Variants in TMEM117 observed in about 807,000 individuals in gnomAD.
TMEM117 encodes transmembrane protein 117.
In TMEM117, 27 loss-of-function variants were observed where a neutral mutation model predicts 52.4. The observed-to-expected ratio is 0.51, with a 90% CI of 0.38 to 0.71. The LOEUF is 0.71. Among genes scored for constraint, TMEM117 ranks in the 30% least tolerant of loss-of-function variants. The pLI is 0.00. For synonymous variants in TMEM117, 215 were observed against 206.3 expected (o/e 1.04, Z -0.36); for missense variants, 556 against 630.5 (o/e 0.88, Z 1.26).
At chr12:44,283,616 A>G (rs1618337) in intron 5 of TMEM117, among the ~76,000 whole-genome samples, 4,413 of 152,136 alleles carry the variant, frequency 0.029, 208 homozygotes, top group African/African-American at 0.096. Flanking sequence ...GGAAGTAACT[A>G]GCTTGCTTTT....
chr12:43,820,080 A>G, the TMEM117 span, among the ~76,000 whole-genome samples: 5 of 152,068 alleles, frequency 3.3e-5, no homozygotes, highest in Non-Finnish European at 5.9e-5. Context: ...AGCTCTTAAC[A>G]GGGTGTAATT....
At chr12:43,830,115 A>G in the TMEM117 span, among the ~76,000 whole-genome samples, 1 of 148,194 alleles carries the variant, frequency 6.7e-6, no homozygotes, top group Admixed American at 6.7e-5. Flanking sequence ...AAGGAACTGT[A>G]GGGGGACAGG....
Position 44,082,378 on chromosome 12 carries a change from G to A in TMEM117, c.411-61147G>A, listed in dbSNP as rs140700441. On this transcript the variant is annotated intron_variant, in intron 3 of 7. Coordinates refer to ENST00000266534, the MANE Select transcript of TMEM117 (RefSeq NM_032256.3). ...GTGTTTGAAGGATGTATTATCTATG[G>A]GTTCTATAGCTACTGTTTTCTATAG... 1.9e-3 allele frequency among the ~76,000 whole-genome samples: 292 copies of A among 151,844 alleles called. 6 individuals carry two copies. The East Asian group carries it at 0.035, about 18-fold the overall frequency.
At chr12:44,301,399 TATC>T (rs538454777) in intron 6 of TMEM117, among the ~76,000 whole-genome samples, 70 of 151,982 alleles carry the variant, frequency 4.6e-4, no homozygotes, top group Non-Finnish European at 7.5e-4. Flanking sequence ...GATGAAAAAA[TATC>T]ATAACAATGT....
the TMEM117 span, among the ~76,000 whole-genome samples, chr12:43,830,087 CA>C: frequency 0.23 from 16,939 of 72,584 alleles, 806 homozygotes; most frequent in Middle Eastern, 0.27. Flanking sequence ...GACTCTGTCT[CA>C]AAAAAAAAAA....
the TMEM117 span, among the ~76,000 whole-genome samples, chr12:43,815,145 C>T: frequency 1.1e-4 from 16 of 152,234 alleles, no homozygotes; most frequent in South Asian, 3.1e-3. Flanking sequence ...AAACTGGGGA[C>T]AATAATAACA....
the TMEM117 span, among the ~76,000 whole-genome samples, chr12:43,808,813 A>C: frequency 3.4e-5 from 1 of 28,988 alleles, no homozygotes; most frequent in East Asian, 4.7e-3. Flanking sequence ...CAAAGGGGAG[A>C]AAAAAAAAAA....
At position 44,388,150 on chromosome 12, in the gene TMEM117, T is replaced by C. The variant is rs1185087140; in HGVS notation, c.1023T>C (p.Tyr341=). Residue 341 remains tyrosine (Y), a synonymous_variant, in exon 8 of 8, where the codon TAT becomes TAC. Transcript: ENST00000266534. ...ATATCGGCCCGGGGCAGAAGATATATACAGTGAAAGACTCAGAAAGTTTAA... is the reference window on the plus strand; with the variant it reads ...ATATCGGCCCGGGGCAGAAGATATACACAGTGAAAGACTCAGAAAGTTTAA... ...GQYIGPGQKI[Y]TVKDSESLKD... is the part of the protein sequence containing the mutation. The C allele has an allele frequency of 3.7e-6, 6 of 1,613,176 alleles. No individual in the cohort carries two copies. Among genetic ancestry groups the C allele is most frequent in the South Asian group, 2.2e-5 (2 of 91,076 alleles).
chr12:44,257,029 A>C (rs1472375922), intron 5 of TMEM117, among the ~76,000 whole-genome samples: 1 of 150,104 alleles, frequency 6.7e-6, no homozygotes, highest in East Asian at 1.9e-4. Flanking sequence ...CCTTCTTCAC[A>C]TAAAGGAAGA....
Position 44,012,251 on chromosome 12 carries a change from A to G in TMEM117, c.410+67909A>G, listed in dbSNP as rs145761178. 5.3e-5 allele frequency among the ~76,000 whole-genome samples: 8 copies of G among 151,980 alleles called. No homozygotes were observed. The East Asian group carries it at 1.5e-3, about 29-fold the overall frequency. ...TTATCTTTGATTTTCTGCAGTTTGA[A>G]TACAATTTGCCCAGGTGTTATGTGC... On this transcript the variant is annotated intron_variant, in intron 3 of 7. Transcript: ENST00000266534.
At chr12:44,147,245 T>C (rs1948656100) in intron 4 of TMEM117, among the ~76,000 whole-genome samples, 1 of 152,136 alleles carries the variant, frequency 6.6e-6, no homozygotes, top group African/African-American at 2.4e-5. Flanking sequence ...TAAAACAACA[T>C]GGGGTGTCTC....
At chr12:43,966,944 G>A (rs2137678624) in intron 3 of TMEM117, among the ~76,000 whole-genome samples, 2 of 152,270 alleles carry the variant, frequency 1.3e-5, no homozygotes, top group South Asian at 4.1e-4. Flanking sequence ...GACTAAAGAA[G>A]AGTCCCTAGA....
intron 3 of TMEM117, among the ~76,000 whole-genome samples, chr12:43,958,845 C>T (rs1319550153): frequency 2.0e-5 from 3 of 151,860 alleles, no homozygotes; most frequent in Admixed American, 6.6e-5. Flanking sequence ...CTCACTCTGT[C>T]GCCCTGGCTG....
chr12:43,999,476 T>G (rs1320537133), intron 3 of TMEM117, among the ~76,000 whole-genome samples: 2 of 152,302 alleles, frequency 1.3e-5, no homozygotes, highest in East Asian at 3.9e-4. Context: ...CTTCTAATGA[T>G]GCAGATGGTT....
chr12:44,123,143 G>A (rs997618666), intron 3 of TMEM117, among the ~76,000 whole-genome samples: 3 of 151,934 alleles, frequency 2.0e-5, no homozygotes, highest in African/African-American at 7.3e-5. Flanking sequence ...GTTTTGATTT[G>A]CATTTCTCTA....
intron 4 of TMEM117, among the ~76,000 whole-genome samples, chr12:44,158,482 C>G (rs1948856883): frequency 1.3e-5 from 2 of 152,164 alleles, no homozygotes. Flanking sequence ...TGGGATTAAG[C>G]AAACTCCATG....
chr12:43,885,186 G>T, intron 2 of TMEM117, among the ~76,000 whole-genome samples: 1 of 152,134 alleles, frequency 6.6e-6, no homozygotes, highest in Non-Finnish European at 1.5e-5. Context: ...TTGAGAGCAG[G>T]ATGTCCACCT....
chr12:44,001,143 A>C (rs1946110769), intron 3 of TMEM117, among the ~76,000 whole-genome samples: 1 of 152,220 alleles, frequency 6.6e-6, no homozygotes. Context: ...TTGAGGGAAC[A>C]TATGGAGATT....
chr12:44,143,469 C>T (rs1274972606), intron 3 of TMEM117, 56 bp from the exon 4 acceptor site: 1 of 1,371,990 alleles, frequency 7.3e-7, no homozygotes, highest in Non-Finnish European at 1.0e-6. Flanking sequence ...AACCAGAAAG[C>T]CTTAACTGTA....
Sources: gnomAD v4.1 joint callset for allele counts (sites outside exome capture counted in the v4.1 genomes callset) on GRCh38, gnomAD v4.1.1 for gene constraint, MANE v1.5 for transcripts, NCBI Gene and HGNC (gene_info 2026-07-23, HGNC 2026-07-21) for gene names.